KIF1B: variants seen among roughly 807,000 people sequenced by gnomAD.
The protein encoded by KIF1B is kinesin-like protein KIF1B.
KIF1B carries 76 observed loss-of-function variants against 241.9 expected under a neutral mutation model. The observed-to-expected ratio is 0.31, with a 90% CI of 0.26 to 0.38. KIF1B has a LOEUF of 0.38. Among genes scored for constraint, KIF1B ranks in the 10% least tolerant of loss-of-function variants. The pLI, the probability that KIF1B is intolerant of heterozygous loss-of-function variation, is 1.00. For missense variants in KIF1B, 1,622 were observed against 2,271.4 expected (o/e 0.71, Z 5.81); for synonymous variants, 750 against 796.7 (o/e 0.94, Z 0.99).
chr1:10,325,994 G>T, intron 26 of KIF1B, 117 bp from the exon 27 acceptor site: 5 of 1,342,770 alleles, frequency 3.7e-6, no homozygotes, highest in African/African-American at 1.4e-5. Context: ...TTTTCCATTT[G>T]CTTTTATTGT....
At chr1:10,272,480 A>T in intron 9 of KIF1B, 174 bp downstream of exon 9, 1 of 681,824 alleles carries the variant, frequency 1.5e-6, no homozygotes, top group Non-Finnish European at 2.7e-6. Flanking sequence ...TTGACTTTGT[A>T]CTGAAAGTAA....
At chr1:10,305,255 T>G (rs554633738) in intron 22 of KIF1B, 9 of 1,041,980 alleles carry the variant, frequency 8.6e-6, no homozygotes, top group African/African-American at 6.7e-5. Context: ...CCACGTCTTC[T>G]TTTATTCTGT....
At chr1:10,352,032 A>T (rs953097363) in intron 37 of KIF1B, among the ~76,000 whole-genome samples, 1 of 147,622 alleles carries the variant, frequency 6.8e-6, no homozygotes, top group Non-Finnish European at 1.5e-5. Context: ...AGTTGCTGTT[A>T]GGTGAGAGTG....
chr1:10,259,625 C>A (rs774382867), intron 4 of KIF1B, among the ~76,000 whole-genome samples: 2 of 151,934 alleles, frequency 1.3e-5, no homozygotes, highest in South Asian at 2.1e-4. Context: ...GCCTCAGCCT[C>A]CCAAGTAGCT....
At chr1:10,323,114 G>T (rs1005891493) in intron 24 of KIF1B, among the ~76,000 whole-genome samples, 3 of 151,920 alleles carry the variant, frequency 2.0e-5, no homozygotes, top group African/African-American at 7.3e-5. Context: ...CTTCCGCCTC[G>T]GCCTTCTAGT....
intron 27 of KIF1B, among the ~76,000 whole-genome samples, chr1:10,329,799 C>A (rs548625087): frequency 6.6e-6 from 1 of 152,222 alleles, no homozygotes; most frequent in South Asian, 2.1e-4. Flanking sequence ...CCATGACTGC[C>A]TCTGCTAAAA....
At chr1:10,353,898 A>G (rs1356549334) in intron 38 of KIF1B, among the ~76,000 whole-genome samples, 1 of 152,198 alleles carries the variant, frequency 6.6e-6, no homozygotes, top group African/African-American at 2.4e-5. Flanking sequence ...GTCAGCAGTA[A>G]TTCTGCATAG....
intron 27 of KIF1B, among the ~76,000 whole-genome samples, chr1:10,333,054 C>T (rs1037042518): frequency 6.8e-6 from 1 of 146,810 alleles, no homozygotes; most frequent in Non-Finnish European, 1.5e-5. Context: ...TCAGGTGATC[C>T]GCCTACCTCA....
chr1:10,267,486 A>G lies in KIF1B; in HGVS notation c.536A>G (p.Glu179Gly). 2 of 1,614,212 alleles carry G rather than the reference A, an allele frequency of 1.2e-6. No individual in the cohort carries two copies. Among genetic ancestry groups the G allele is most frequent in the Non-Finnish European group, 1.7e-6 (2 of 1,180,018 alleles). The change falls in exon 6 of 49, where the codon GAG becomes GGG. Residue 179 changes from glutamate to glycine, a missense_variant. Glu to Gly is a moderately conservative substitution (Grantham distance 98). Coordinates refer to ENST00000676179, the MANE Select transcript of KIF1B (RefSeq NM_001365951.3). Reference protein sequence around the residue: ...REHPLLGPYVEDLSKLAVTSY... With the variant: ...REHPLLGPYVGDLSKLAVTSY... ...CACCCACTTCTTGGACCCTATGTGG[A>G]GGATCTGTCCAAGTTGGCAGTTACT...
chr1:10,351,184 A>G (rs1652780993), intron 37 of KIF1B, among the ~76,000 whole-genome samples: 1 of 151,256 alleles, frequency 6.6e-6, no homozygotes, highest in South Asian at 2.1e-4. Context: ...TCTTTTTTTA[A>G]TTTAGTTTTT....
chr1:10,298,061 A>G (rs1479392141), intron 22 of KIF1B, among the ~76,000 whole-genome samples: 1 of 152,234 alleles, frequency 6.6e-6, no homozygotes, highest in Non-Finnish European at 1.5e-5. Context: ...AGCCAACCAA[A>G]CAACCAATTT....
intron 10 of KIF1B, among the ~76,000 whole-genome samples, chr1:10,274,356 C>T (rs1648989472): frequency 6.6e-6 from 1 of 151,940 alleles, no homozygotes; most frequent in Admixed American, 6.6e-5. Flanking sequence ...AATTTTTTTT[C>T]ATTTAAGCAC....
rs34209184 is a variant in KIF1B, at chr1:10,255,967, T to TG, written c.107-280_107-279insG. On this transcript the variant is annotated intron_variant, in intron 2 of 48. Coordinates refer to ENST00000676179, the MANE Select transcript of KIF1B (RefSeq NM_001365951.3). ...ACCATGCCCAGCTAGTTGTTGTTGT[T>TG]TTTTTTTTTTTTGGTATTTGTTGTA... Among the ~76,000 whole-genome samples the TG allele has an allele frequency of 0.24, 35,342 of 148,890 alleles. 4,747 individuals carry two copies. Among genetic ancestry groups the TG allele is most frequent in the Admixed American group, 0.31 (4,606 of 14,908 alleles).
At chr1:10,217,506 G>A (rs1327205517) in intron 1 of KIF1B, among the ~76,000 whole-genome samples, 1 of 151,374 alleles carries the variant, frequency 6.6e-6, no homozygotes, top group Non-Finnish European at 1.5e-5. Flanking sequence ...TAGTAGAGAC[G>A]GTGTTTCACC....
At chr1:10,290,077 C>G (rs1194977188) in intron 15 of KIF1B, among the ~76,000 whole-genome samples, 1 of 152,050 alleles carries the variant, frequency 6.6e-6, no homozygotes, top group African/African-American at 2.4e-5. Flanking sequence ...CTCTCTCTCT[C>G]TCTGGTATAC....
chr1:10,278,950 T>G, intron 13 of KIF1B, 147 bp from the exon 14 acceptor site: 1 of 531,358 alleles, frequency 1.9e-6, no homozygotes, highest in Non-Finnish European at 3.5e-6. Flanking sequence ...CGAGTTTAGA[T>G]GAATACCGTT....
intron 1 of KIF1B, among the ~76,000 whole-genome samples, chr1:10,229,375 G>A (rs993452746): frequency 1.3e-4 from 20 of 152,184 alleles, no homozygotes; most frequent in African/African-American, 4.3e-4. Flanking sequence ...ACTGGGAAAT[G>A]TATGTCATTC....
intron 15 of KIF1B, among the ~76,000 whole-genome samples, chr1:10,284,020 G>A (rs189634023): frequency 5.3e-5 from 8 of 152,326 alleles, no homozygotes; most frequent in Admixed American, 5.2e-4. Flanking sequence ...TGAAGAAAGA[G>A]GTTCTGCTTT....
At chr1:10,321,188 C>T (rs1452298229) in intron 23 of KIF1B, among the ~76,000 whole-genome samples, 3 of 151,776 alleles carry the variant, frequency 2.0e-5, no homozygotes, top group African/African-American at 7.3e-5. Flanking sequence ...ACTGCAACCT[C>T]TGCTTCCTGG....
Sources: gnomAD v4.1 joint callset for allele counts (sites outside exome capture counted in the v4.1 genomes callset) on GRCh38, gnomAD v4.1.1 for gene constraint, MANE v1.5 for transcripts, NCBI Gene and HGNC (gene_info 2026-07-23, HGNC 2026-07-21) for gene names.